PRR5: variants seen among roughly 807,000 people sequenced by gnomAD.
The protein encoded by PRR5 is proline-rich protein 5.
Under a neutral mutation model 30.6 loss-of-function variants are expected in PRR5, and 25 were observed. The observed-to-expected ratio is 0.82, with a 90% CI of 0.60 to 1.14. PRR5 has a LOEUF of 1.14. Among genes scored for constraint, PRR5 ranks in the 50% most tolerant of loss-of-function variants. The probability of loss-of-function intolerance (pLI) is 0.00; values close to 1 mark genes in which losing one functional copy is unlikely to be tolerated. For synonymous variants in PRR5, 286 were observed against 247.1 expected, an observed-to-expected ratio of 1.16 and a Z score of -1.48; for missense variants, 600 against 547.1, an observed-to-expected ratio of 1.10 and a Z score of -0.96.
intron 1 of PRR5, among the ~76,000 whole-genome samples, chr22:44,690,702 A>G (rs1012943556): frequency 6.6e-6 from 1 of 152,184 alleles, no homozygotes; most frequent in Non-Finnish European, 1.5e-5. Context: ...ATCGCACTTT[A>G]CTACCCACTG....
chr22:44,728,092 C>T (rs938789637), intron 4 of PRR5, among the ~76,000 whole-genome samples: 11 of 152,168 alleles, frequency 7.2e-5, no homozygotes, highest in African/African-American at 7.2e-5. Flanking sequence ...AGGAGCTCTG[C>T]GTGGGACAGC....
At chr22:44,671,951 C>A (rs1357039782) in intron 1 of PRR5, among the ~76,000 whole-genome samples, 1 of 152,232 alleles carries the variant, frequency 6.6e-6, no homozygotes, top group Non-Finnish European at 1.5e-5. Context: ...TCTGTAGCCA[C>A]GTGGTCTTGC....
intron 6 of PRR5, chr22:44,734,739 T>G: frequency 8.6e-6 from 4 of 463,032 alleles, no homozygotes; most frequent in South Asian, 3.1e-5. Context: ...CTCCGAGGGG[T>G]GGAAGGTGCA....
Position 44,732,345 on chromosome 22 carries a change from A to G in PRR5, c.509A>G (p.His170Arg), listed in dbSNP as rs752379834. 4.3e-6 allele frequency: 7 copies of G among 1,611,808 alleles called. No homozygotes were observed. The South Asian group carries it at 6.6e-5, about 15-fold the overall frequency. ...CTAGAGGATGCGCTGGCCCGGGCCC[A>G]TGCCCGTGTGCCCCCTGCCATCGTG... ...VKLEDALARA[H>R]ARVPPAIVQM... Residue 170 changes from histidine (H) to arginine (R), a missense_variant, in exon 6 of 8, where the codon CAT becomes CGT. Transcript: ENST00000336985.
At chr22:44,714,505 G>A in intron 1 of PRR5, 86 bp from the exon 2 acceptor site, 1 of 1,545,668 alleles carries the variant, frequency 6.5e-7, no homozygotes, top group Non-Finnish European at 8.8e-7. Context: ...CCTTCTAGGA[G>A]AGAGGGAAAG....
intron 1 of PRR5, among the ~76,000 whole-genome samples, chr22:44,696,689 C>T (rs2146984170): frequency 6.7e-6 from 1 of 150,076 alleles, no homozygotes; most frequent in South Asian, 2.1e-4. Flanking sequence ...AACCTCAAGG[C>T]TGCTGTGGGA....
intron 1 of PRR5, among the ~76,000 whole-genome samples, chr22:44,681,006 T>G (rs1924232684): frequency 6.6e-6 from 1 of 152,230 alleles, no homozygotes; most frequent in Non-Finnish European, 1.5e-5. Flanking sequence ...GGGCCACGAT[T>G]GTCTGCCAGA....
At chr22:44,704,720 C>T (rs1262159983) in intron 1 of PRR5, among the ~76,000 whole-genome samples, 1 of 148,662 alleles carries the variant, frequency 6.7e-6, no homozygotes, top group African/African-American at 2.5e-5. Flanking sequence ...ACCAGCACCC[C>T]CCACCGAGAG....
intron 1 of PRR5, among the ~76,000 whole-genome samples, chr22:44,692,261 C>T (rs1257794693): frequency 2.2e-5 from 3 of 138,252 alleles, no homozygotes; most frequent in African/African-American, 5.5e-5. Flanking sequence ...CTCCTCCTCC[C>T]GGGGCTCCTC....
chr22:44,729,343 A>C, intron 4 of PRR5: 2 of 984,586 alleles, frequency 2.0e-6, no homozygotes, highest in Non-Finnish European at 2.4e-6. Flanking sequence ...GCACTCGGAT[A>C]AAGAAAGGAA....
At chr22:44,722,396 C>G (rs548471648) in intron 2 of PRR5, among the ~76,000 whole-genome samples, 1 of 152,224 alleles carries the variant, frequency 6.6e-6, no homozygotes, top group East Asian at 1.9e-4. Flanking sequence ...GTATTTTGCC[C>G]TGTGCTTCCG....
At chr22:44,692,128 C>A (rs143878730) in intron 1 of PRR5, among the ~76,000 whole-genome samples, 2 of 152,042 alleles carry the variant, frequency 1.3e-5, no homozygotes, top group African/African-American at 4.8e-5. Flanking sequence ...AGATCCCACA[C>A]CCCCAAATCC....
Position 44,691,339 on chromosome 22 carries a change from C to T in PRR5, c.-10-11153C>T, listed in dbSNP as rs186898525. 3.0e-3 allele frequency among the ~76,000 whole-genome samples: 451 copies of T among 152,204 alleles called. 2 individuals carry two copies. Among genetic ancestry groups the T allele is most frequent in the African/African-American group, 0.01 (417 of 41,534 alleles). On this transcript the variant is annotated intron_variant, in intron 1 of 8. Coordinates refer to the PRR5 transcript ENST00000006251. This position sits in a 1 kb window ranked among gnomAD's most constrained non-coding sequence, Gnocchi z 4.4. ...AACCTCCATGTCCACCTCGGTGGCA[C>T]GGAGAGGAGGCTACCCAGCTGGAGG...
chr22:44,727,387 G>A (rs1003062622), intron 4 of PRR5, among the ~76,000 whole-genome samples: 1 of 152,204 alleles, frequency 6.6e-6, no homozygotes, highest in African/African-American at 2.4e-5. Flanking sequence ...CTTTGCTCGG[G>A]CTGTGCTGGG....
intron 1 of PRR5, among the ~76,000 whole-genome samples, chr22:44,706,984 C>A (rs1038480836): frequency 6.6e-6 from 1 of 152,188 alleles, no homozygotes; most frequent in African/African-American, 2.4e-5. Flanking sequence ...GATCTGCCTC[C>A]CAGTGCCAAG....
chr22:44,695,721 C>T lies in PRR5; in HGVS notation c.-10-6771C>T, dbSNP rs562182993. Among the ~76,000 whole-genome samples the T allele has an allele frequency of 2.6e-4, 39 of 151,726 alleles. No individual in the cohort carries two copies. The South Asian group carries it at 6.7e-3, about 26-fold the overall frequency. On this transcript the variant is annotated intron_variant, in intron 1 of 8. Coordinates refer to the PRR5 transcript ENST00000006251. The stretch of plus-strand genomic sequence containing the variant: ...TCAAGCAATTCTCTTGCCTCAGCCT[C>T]CTCAGTATCTGGGATTACAGATGCA...
intron 1 of PRR5, among the ~76,000 whole-genome samples, chr22:44,692,287 A>C (rs1601968064): frequency 3.2e-5 from 2 of 62,816 alleles, no homozygotes; most frequent in African/African-American, 6.4e-5. Context: ...ACGCTCCTCC[A>C]CCAGGGGCTC....
chr22:44,721,760 CAG>C (rs976866179), intron 2 of PRR5, among the ~76,000 whole-genome samples: 11 of 152,296 alleles, frequency 7.2e-5, no homozygotes, highest in East Asian at 1.9e-4. Context: ...GAGGCCCAGA[CAG>C]GGGAGGGGTC....
chr22:44,732,340 G>T lies in PRR5; in HGVS notation c.504G>T (p.Arg168=), dbSNP rs767001335. The change falls in exon 6 of 8, where the codon CGG becomes CGT. Residue 168 remains arginine, a synonymous_variant. Coordinates refer to ENST00000336985, the MANE Select transcript of PRR5 (RefSeq NM_181333.4). ...TGAAGCTAGAGGATGCGCTGGCCCG[G>T]GCCCATGCCCGTGTGCCCCCTGCCA... ...LSVKLEDALA[R]AHARVPPAIV... 6.2e-7 allele frequency: 1 copy of T among 1,612,032 alleles called. No homozygotes were observed. Among genetic ancestry groups the T allele is most frequent in the Admixed American group, 1.7e-5 (1 of 60,014 alleles).
Sources: allele counts gnomAD v4.1 joint callset (sites outside exome capture counted in the v4.1 genomes callset), GRCh38; gene constraint gnomAD v4.1.1; non-coding constraint Gnocchi (gnomAD v3.1); transcripts MANE v1.5; gene names NCBI Gene and HGNC (gene_info 2026-07-23, HGNC 2026-07-21).